Variants in PBX3 observed in about 807,000 individuals in gnomAD.
PBX3 encodes the protein PBX homeobox 3.
A neutral mutation model predicts 48.5 loss-of-function variants in PBX3; 14 were observed. The ratio of observed to expected loss-of-function variants is 0.29; its 90% CI spans 0.19 to 0.45. The LOEUF is 0.45. Ranked by LOEUF, PBX3 falls within the 20% of genes least tolerant of loss-of-function variation. PBX3 has a pLI of 1.00. For missense variants in PBX3, 386 were observed against 546.7 expected (o/e 0.71, Z 2.93); for synonymous variants, 210 against 200.3 (o/e 1.05, Z -0.41).
chr9:125,901,513 A>G (rs187037784), intron 2 of PBX3, among the ~76,000 whole-genome samples: 3 of 151,850 alleles, frequency 2.0e-5, no homozygotes, highest in East Asian at 3.9e-4. Flanking sequence ...GAACGGCTAT[A>G]TATGTATAGG....
intron 5 of PBX3, among the ~76,000 whole-genome samples, chr9:125,946,082 C>T (rs1195516408): frequency 6.6e-6 from 1 of 152,134 alleles, no homozygotes; most frequent in Non-Finnish European, 1.5e-5. Context: ...TTCCTCTTTC[C>T]CTTTGCTTTG....
chr9:125,825,023 G>A (rs1215170036), intron 2 of PBX3, among the ~76,000 whole-genome samples: 2 of 152,130 alleles, frequency 1.3e-5, no homozygotes, highest in African/African-American at 2.4e-5. Flanking sequence ...AGTGGCTCAC[G>A]CCTGAAATCT....
intron 2 of PBX3, among the ~76,000 whole-genome samples, chr9:125,906,693 A>T (rs1412740745): frequency 1.3e-5 from 2 of 151,946 alleles, no homozygotes; most frequent in Admixed American, 6.6e-5. Flanking sequence ...TATGAATAAA[A>T]ATTTCTCCCC....
At chr9:125,812,470 T>C (rs1478789260) in intron 2 of PBX3, among the ~76,000 whole-genome samples, 1 of 152,258 alleles carries the variant, frequency 6.6e-6, no homozygotes, top group Non-Finnish European at 1.5e-5. Context: ...TTCTTTTCCA[T>C]TTACAGACTT....
At chr9:125,887,829 C>T (rs1840536837) in intron 2 of PBX3, among the ~76,000 whole-genome samples, 1 of 152,096 alleles carries the variant, frequency 6.6e-6, no homozygotes, top group African/African-American at 2.4e-5. Context: ...AGCATAGTGT[C>T]TGGACATAAA....
At chr9:125,812,738 T>C (rs578043061) in intron 2 of PBX3, among the ~76,000 whole-genome samples, 2 of 152,264 alleles carry the variant, frequency 1.3e-5, no homozygotes, top group African/African-American at 2.4e-5. Flanking sequence ...TGATATAGCC[T>C]TCTGTACACC....
intron 5 of PBX3, among the ~76,000 whole-genome samples, chr9:125,957,946 C>T (rs944834696): frequency 2.6e-5 from 4 of 152,170 alleles, no homozygotes; most frequent in Admixed American, 1.3e-4. Flanking sequence ...AGGTCTGTCT[C>T]CTGAGCTGAG....
chr9:125,748,347 C>G (rs1045682083), intron 1 of PBX3: 9 of 1,295,710 alleles, frequency 6.9e-6, no homozygotes, highest in Non-Finnish European at 9.9e-7. Flanking sequence ...ATGGGTCCGC[C>G]TTGTTCCGGC....
chr9:125,865,990 C>CT (rs200362144), intron 2 of PBX3, among the ~76,000 whole-genome samples: 3,282 of 140,448 alleles, frequency 0.023, 157 homozygotes, highest in East Asian at 0.17. Context: ...AAGAAAATAG[C>CT]TTTTTTTTTT....
chr9:125,824,647 T>C (rs1176767331), intron 2 of PBX3, among the ~76,000 whole-genome samples: 1 of 152,140 alleles, frequency 6.6e-6, no homozygotes, highest in African/African-American at 2.4e-5. Context: ...CAGGTTCTTA[T>C]TGATTGTATT....
chr9:125,942,568 G>A (rs1364104813), intron 5 of PBX3, among the ~76,000 whole-genome samples: 2 of 152,158 alleles, frequency 1.3e-5, no homozygotes, highest in Admixed American at 1.3e-4. Flanking sequence ...TCAAATTACA[G>A]TACTTTTTTT....
At chr9:125,849,068 G>GA (rs1006264057) in intron 2 of PBX3, among the ~76,000 whole-genome samples, 10 of 151,826 alleles carry the variant, frequency 6.6e-5, no homozygotes, top group African/African-American at 2.4e-4. Flanking sequence ...TTTCTTTAGT[G>GA]AAAAAAATGG....
chr9:125,758,642 C>G (rs935743415), intron 2 of PBX3, among the ~76,000 whole-genome samples: 14 of 152,130 alleles, frequency 9.2e-5, no homozygotes, highest in Non-Finnish European at 1.8e-4. Flanking sequence ...TGTAGAATTT[C>G]TAAACCTCTT....
chr9:125,959,252 G>A (rs945008758), intron 5 of PBX3, among the ~76,000 whole-genome samples: 1 of 152,246 alleles, frequency 6.6e-6, no homozygotes, highest in Non-Finnish European at 1.5e-5. Context: ...GGGAAAAAAT[G>A]ATGGTAGAAC....
At chr9:125,764,098 G>A (rs1836742352) in intron 2 of PBX3, among the ~76,000 whole-genome samples, 1 of 152,204 alleles carries the variant, frequency 6.6e-6, no homozygotes, top group South Asian at 2.1e-4. Flanking sequence ...GGAATCAAAA[G>A]AGCTTAGTTT....
chr9:125,951,518 C>T lies in PBX3; in HGVS notation c.844-9166C>T, dbSNP rs539750307. Reference sequence around the variant, plus strand: ...GACCTTAGGCACTGTAGGAAGCAAGCATGGTGTGTATGCCATTGGCCTTCA... The same window carrying T: ...GACCTTAGGCACTGTAGGAAGCAAGTATGGTGTGTATGCCATTGGCCTTCA... On this transcript the variant is annotated intron_variant, in intron 5 of 8. Transcript: ENST00000373489. 2.6e-5 allele frequency among the ~76,000 whole-genome samples: 4 copies of T among 152,304 alleles called. No individual in the cohort carries two copies. The East Asian group carries it at 7.7e-4, about 29-fold the overall frequency.
At chr9:125,879,009 TTCAGAAATCTTAAGCAC>T (rs1840318530) in intron 2 of PBX3, among the ~76,000 whole-genome samples, 1 of 152,186 alleles carries the variant, frequency 6.6e-6, no homozygotes, top group Non-Finnish European at 1.5e-5. Context: ...TTTTACATAT[TTCAGAAATCTTAAGCAC>T]TGCTGTCAAA....
intron 2 of PBX3, among the ~76,000 whole-genome samples, chr9:125,753,590 A>T (rs1044462065): frequency 3.3e-5 from 5 of 152,204 alleles, no homozygotes; most frequent in African/African-American, 1.2e-4. Context: ...GTCAATACTA[A>T]CTTGATCTGT....
chr9:125,748,666 TG>T (rs1188253429), intron 2 of PBX3, 43 bp downstream of exon 2: 1 of 1,505,036 alleles, frequency 6.6e-7, no homozygotes, highest in Non-Finnish European at 9.2e-7. Context: ...ACCCCCGAGG[TG>T]GGGGTCGGAG....
Sources: allele counts gnomAD v4.1 joint callset (sites outside exome capture counted in the v4.1 genomes callset), GRCh38; gene constraint gnomAD v4.1.1; transcripts MANE v1.5; gene names NCBI Gene and HGNC (gene_info 2026-07-23, HGNC 2026-07-21).